Variants in MS4A18 observed in about 807,000 individuals in gnomAD.
MS4A18 encodes membrane spanning 4-domains A18, also known as membrane-spanning 4-domains subfamily A member 18.
Under a neutral mutation model 13.1 loss-of-function variants are expected in MS4A18, and 27 were observed. The observed-to-expected ratio is 2.06, with a 90% CI of 1.52 to 2.84. MS4A18 has a LOEUF of 2.84. Among genes scored for constraint, MS4A18 ranks in the 30% most tolerant of loss-of-function variants. The probability of loss-of-function intolerance (pLI) is 0.00; values close to 1 mark genes in which losing one functional copy is unlikely to be tolerated. For missense variants in MS4A18, 307 were observed against 196.4 expected (o/e 1.56, Z -3.37); for synonymous variants, 126 against 76.5 (o/e 1.65, Z -3.38).
chr11:60,738,869 G>C (rs1001637764), intron 3 of MS4A18, 33 bp from the exon 5 acceptor site: 2 of 701,862 alleles, frequency 2.8e-6, no homozygotes, highest in South Asian at 3.0e-5. Flanking sequence ...CTTCAGACTC[G>C]GCTCCCTCTC....
At chr11:60,739,575 A>G (rs1351513497) in intron 4 of MS4A18, among the ~76,000 whole-genome samples, 1 of 152,128 alleles carries the variant, frequency 6.6e-6, no homozygotes, top group African/African-American at 2.4e-5. Context: ...GGGCCCTGGT[A>G]GCCAGGGAAT....
At chr11:60,731,920 T>A (rs1853259898) in intron 1 of MS4A18, among the ~76,000 whole-genome samples, 2 of 152,068 alleles carry the variant, frequency 1.3e-5, no homozygotes, top group South Asian at 4.1e-4. Context: ...AGCGGCACTA[T>A]TTTTTTTCTA....
At chr11:60,742,470 T>C (rs1236729335) in intron 5 of MS4A18, among the ~76,000 whole-genome samples, 1 of 152,196 alleles carries the variant, frequency 6.6e-6, no homozygotes, top group Non-Finnish European at 1.5e-5. Context: ...CCTAAGACTG[T>C]GTTCTAGACA....
intron 4 of MS4A18, among the ~76,000 whole-genome samples, 169 bp from the exon 6 acceptor site, chr11:60,740,861 G>C (rs1386493301): frequency 6.6e-6 from 1 of 152,106 alleles, no homozygotes; most frequent in African/African-American, 2.4e-5. Context: ...TGACTAAGAG[G>C]GTAAGGCAAG....
intron 2 of MS4A18, among the ~76,000 whole-genome samples, chr11:60,735,438 A>G (rs1453650099): frequency 1.4e-5 from 2 of 143,224 alleles, no homozygotes; most frequent in Non-Finnish European, 3.0e-5. Context: ...GGTTCACGCC[A>G]TTCTCCTGCC....
intron 1 of MS4A18, among the ~76,000 whole-genome samples, chr11:60,731,065 G>C (rs770719555): frequency 2.0e-5 from 3 of 152,024 alleles, no homozygotes; most frequent in Admixed American, 6.6e-5. Flanking sequence ...CTGCACTCCA[G>C]CCTGGGCTAC....
chr11:60,734,471 C>G (rs561439068), intron 2 of MS4A18, among the ~76,000 whole-genome samples: 2 of 152,290 alleles, frequency 1.3e-5, no homozygotes, highest in South Asian at 4.2e-4. Flanking sequence ...CAGGGCCCTT[C>G]CCTGCAGTGC....
intron 2 of MS4A18, among the ~76,000 whole-genome samples, chr11:60,735,256 G>C (rs1303827138): frequency 6.6e-6 from 1 of 151,994 alleles, no homozygotes; most frequent in Admixed American, 6.6e-5. Context: ...CATCACACGT[G>C]GTTTTTAAAT....
chr11:60,729,461 T>G, exon 1 of MS4A18: 1 of 702,794 alleles, frequency 1.4e-6, no homozygotes. Flanking sequence ...TCACCAAAAG[T>G]AATCCACTGT....
At chr11:60,725,623 A>G (rs944661620), upstream of MS4A18, among the ~76,000 whole-genome samples, 1 of 152,142 alleles carries the variant, frequency 6.6e-6, no homozygotes, top group African/African-American at 2.4e-5. Context: ...GAGTCCTCTG[A>G]AAAAAAGGAA....
At chr11:60,727,805 T>G (rs1463587659), upstream of MS4A18, among the ~76,000 whole-genome samples, 1 of 152,178 alleles carries the variant, frequency 6.6e-6, no homozygotes, top group Non-Finnish European at 1.5e-5. Flanking sequence ...TAATAATATC[T>G]TTAATGTTCT....
exon 2 of MS4A18, chr11:60,733,610 C>A (rs923027844): frequency 1.4e-6 from 1 of 703,514 alleles, no homozygotes; most frequent in East Asian, 2.7e-5. Flanking sequence ...CCTTTTGTGA[C>A]CTGGTTGTCA....
In MS4A18 at chr11:60,738,893, C is replaced by G. The variant is rs1475757449; in HGVS notation, c.649-9C>G. On this transcript the variant is annotated splice_polypyrimidine_tract_variant and intron_variant, in intron 3 of 5. Coordinates refer to ENST00000529108, the Ensembl canonical transcript of MS4A18. ...CGGCTCCCTCTCTCCTCTCCCTCCT[C>G]TCCTGCAGGTGAACAGCAGCATCAG... The G allele has an allele frequency of 1.4e-6, 1 of 703,250 alleles. No homozygotes were observed. Among genetic ancestry groups the G allele is most frequent in the African/African-American group, 1.7e-5 (1 of 57,376 alleles). 43.6% of individuals were successfully genotyped at this position (703,250 alleles called of 1,614,324 possible). A position where few individuals can be genotyped will look rare whatever the true frequency, so the allele number is the denominator to read the frequency against.
exon 5 of MS4A18, chr11:60,741,098 G>A: frequency 1.4e-6 from 1 of 703,008 alleles, no homozygotes; most frequent in African/African-American, 1.7e-5. Flanking sequence ...TCACTTGTGT[G>A]GTCTCACATT....
intron 2 of MS4A18, among the ~76,000 whole-genome samples, chr11:60,734,943 G>C (rs1451783639): frequency 6.6e-6 from 1 of 151,798 alleles, no homozygotes; most frequent in Non-Finnish European, 1.5e-5. Context: ...CACCATGCCC[G>C]GCTAATTTTT....
upstream of MS4A18, chr11:60,729,206 C>A: frequency 1.6e-6 from 1 of 620,748 alleles, no homozygotes; most frequent in Non-Finnish European, 2.9e-6. Flanking sequence ...CTAGGTGATT[C>A]TTATTTTAAT....
At chr11:60,725,735 T>C (rs2134670401), upstream of MS4A18, among the ~76,000 whole-genome samples, 1 of 152,308 alleles carries the variant, frequency 6.6e-6, no homozygotes, top group East Asian at 1.9e-4. Context: ...ATTCTTGTAT[T>C]TCAAATCTCA....
At chr11:60,735,389 A>G (rs1036830872) in intron 2 of MS4A18, among the ~76,000 whole-genome samples, 2 of 144,178 alleles carry the variant, frequency 1.4e-5, no homozygotes, top group African/African-American at 5.2e-5. Flanking sequence ...GCTGGAGTGC[A>G]GTGGCGCCAT....
At chr11:60,736,358 T>A (rs1287388601) in intron 2 of MS4A18, among the ~76,000 whole-genome samples, 3 of 151,822 alleles carry the variant, frequency 2.0e-5, no homozygotes, top group Admixed American at 2.0e-4. Flanking sequence ...AGCCAGAAAG[T>A]GCTGGAGGAA....
Sources: allele counts gnomAD v4.1 joint callset (sites outside exome capture counted in the v4.1 genomes callset), GRCh38; gene constraint gnomAD v4.1.1; transcripts MANE v1.5; gene names NCBI Gene and HGNC (gene_info 2026-07-23, HGNC 2026-07-21).